SCNN1D: variants seen among roughly 807,000 people sequenced by gnomAD.
SCNN1D encodes epithelial sodium channel subunit delta.
A neutral mutation model predicts 87.8 loss-of-function variants in SCNN1D; 104 were observed. The ratio of observed to expected loss-of-function variants is 1.18; its 90% CI spans 1.01 to 1.39. The LOEUF (loss-of-function observed/expected upper bound fraction) is 1.39. Among genes scored for constraint, SCNN1D ranks in the 40% most tolerant of loss-of-function variants. The pLI is 0.00. For synonymous variants in SCNN1D, 628 were observed against 481.2 expected (o/e 1.31, Z -3.99); for missense variants, 1,324 against 1,093.9 (o/e 1.21, Z -2.97).
Position 1,286,061 on chromosome 1 carries a change from AC to A in SCNN1D, c.696del (p.Ile233SerfsTer128). ...ELLTFFCTNATIHGAIRLVCS... is the reference protein window; with the variant it reads ...ELLTFFCTNAXIHGAIRLVCS... ...GCTCACCTTCTTCTGCACCAATGCC[AC>A]CATCCACGGCGCCATCCGCCTGGTC... On this transcript the variant is annotated frameshift_variant, in exon 7 of 18. Coordinates refer to ENST00000379116, the MANE Select transcript of SCNN1D (RefSeq NM_001130413.4). LOFTEE classifies it high-confidence loss of function. The A allele has an allele frequency of 6.3e-7, 1 of 1,593,498 alleles. No individual in the cohort carries two copies. The highest frequency in any genetic ancestry group is 8.5e-7 in the Non-Finnish European group (1 of 1,170,640).
intron 2 of SCNN1D, 49 bp downstream of exon 2, chr1:1,281,346 G>A: frequency 6.5e-7 from 1 of 1,535,084 alleles, no homozygotes; most frequent in Non-Finnish European, 8.7e-7. Flanking sequence ...GTCTTTCCTG[G>A]GAGAGAGCAG....
At chr1:1,284,522 G>GGT (rs1640545124) in intron 5 of SCNN1D, among the ~76,000 whole-genome samples, 1 of 149,294 alleles carries the variant, frequency 6.7e-6, no homozygotes. Context: ...GGACCACTGG[G>GGT]GGTGCCGAGC....
At chr1:1,284,524 G>GT (rs1640545154) in intron 5 of SCNN1D, among the ~76,000 whole-genome samples, 1 of 149,364 alleles carries the variant, frequency 6.7e-6, no homozygotes, top group Non-Finnish European at 1.5e-5. Flanking sequence ...ACCACTGGGG[G>GT]TGCCGAGCGT....
chr1:1,280,704 T>C (rs1640452493), intron 1 of SCNN1D, 38 bp downstream of exon 1: 1 of 700,440 alleles, frequency 1.4e-6, no homozygotes, highest in Non-Finnish European at 2.6e-6. Context: ...CTGAGCTAGT[T>C]TTTCAGGTTA....
intron 15 of SCNN1D, 56 bp downstream of exon 15, chr1:1,290,750 TCCCACAGAG>T (rs1281195468): frequency 9.4e-6 from 15 of 1,597,522 alleles, no homozygotes; most frequent in African/African-American, 1.3e-5. Context: ...ACCCCACAGG[TCCCACAGAG>T]CCCACCCAAG....
chr1:1,282,564 A>AC (rs61284317), intron 4 of SCNN1D, among the ~76,000 whole-genome samples: 1 of 151,542 alleles, frequency 6.6e-6, no homozygotes, highest in East Asian at 1.9e-4. Flanking sequence ...CCTTCCACAC[A>AC]ACCGCACTGG....
intron 12 of SCNN1D, among the ~76,000 whole-genome samples, chr1:1,290,060 G>A: frequency 8.5e-6 from 1 of 117,050 alleles, no homozygotes; most frequent in Non-Finnish European, 1.7e-5. Context: ...TCCGTCCCGT[G>A]TCTCTGCTCC....
Position 1,287,785 on chromosome 1 carries a change from C to A in SCNN1D, c.1512C>A (p.His504Gln). The change falls in exon 11 of 18, where the codon CAC becomes CAA. Residue 504 changes from histidine (H) to glutamine (Q), a missense_variant. Physicochemically the swap from His to Gln is conservative, Grantham distance 24. Transcript: ENST00000379116. ...GTAACCACACGCCCTTCCTGGGGCACCACAGCTTCAGCGTCCGGCCAGGGA... is the reference window on the plus strand; with the variant it reads ...GTAACCACACGCCCTTCCTGGGGCAACACAGCTTCAGCGTCCGGCCAGGGA... Reference protein sequence around the residue: ...HGRNHTPFLGHHSFSVRPGTE... With the variant: ...HGRNHTPFLGQHSFSVRPGTE... 6.3e-7 allele frequency: 1 copy of A among 1,593,244 alleles called. No individual in the cohort carries two copies. Among genetic ancestry groups the A allele is most frequent in the Non-Finnish European group, 8.5e-7 (1 of 1,170,382 alleles).
At chr1:1,283,276 G>A (rs1423707525) in intron 4 of SCNN1D, among the ~76,000 whole-genome samples, 3 of 152,198 alleles carry the variant, frequency 2.0e-5, no homozygotes, top group Admixed American at 6.5e-5. Context: ...ATGGCTGGGC[G>A]GCTGGTCCCG....
chr1:1,286,638 T>G, intron 7 of SCNN1D, 130 bp from the exon 8 acceptor site: 1 of 881,954 alleles, frequency 1.1e-6, no homozygotes, highest in Non-Finnish European at 1.7e-6. Flanking sequence ...ACTCCAGCTC[T>G]GGGTCCAGCT....
At position 1,291,384 on chromosome 1, in the gene SCNN1D, G is replaced by T. The variant is rs377745829; in HGVS notation, c.2183G>T (p.Arg728Leu). 2.5e-6 allele frequency: 4 copies of T among 1,608,224 alleles called. No individual in the cohort carries two copies. The highest frequency in any genetic ancestry group is 3.4e-6 in the Non-Finnish European group (4 of 1,178,462). ...SALTLVLGGR[R>L]LRRAWFSWPR... ...CTCACCCTGGTGCTAGGCGGCCGCCGGCTCCGCAGGGCGTGGTTCTCCTGG... is the reference window on the plus strand; with the variant it reads ...CTCACCCTGGTGCTAGGCGGCCGCCTGCTCCGCAGGGCGTGGTTCTCCTGG... The change falls in exon 18 of 18, where the codon CGG (arginine) becomes CTG (leucine). Residue 728 changes from arginine to leucine, a missense_variant. By Grantham distance (102) the Arg-to-Leu change is moderately radical (BLOSUM62 -2). Transcript: ENST00000379116.
chr1:1,284,554 G>T (rs1455574886), intron 5 of SCNN1D, among the ~76,000 whole-genome samples: 1 of 148,440 alleles, frequency 6.7e-6, no homozygotes, highest in Non-Finnish European at 1.5e-5. Context: ...CACGGGGGGT[G>T]CACAGCGTGT....
Position 1,289,563 on chromosome 1 carries a change from CCGTGTCCCTGCTCCGT to C in SCNN1D, c.1663-706_1663-691del, listed in dbSNP as rs1640715838. On this transcript the variant is annotated intron_variant, in intron 12 of 17. Coordinates refer to ENST00000379116, the MANE Select transcript of SCNN1D (RefSeq NM_001130413.4). ...CTCCGTCCCGTGTCCCTGCTCCGTCCCGTGTCCCTGCTCCGTCCCGTGTCTCTGCTCCGTCCCGTGT... is the reference window on the plus strand; with the variant it reads ...CTCCGTCCCGTGTCCCTGCTCCGTCCCCCGTGTCTCTGCTCCGTCCCGTGT... Among the ~76,000 whole-genome samples the C allele has an allele frequency of 1.9e-4, 2 of 10,650 alleles. 1 individual carries two copies. Among genetic ancestry groups the C allele is most frequent in the African/African-American group, 3.0e-3 (2 of 656 alleles). The allele number at this position is 10,650 out of a possible 152,430, so 7.0% of individuals were successfully genotyped here.
intron 7 of SCNN1D, 28 bp downstream of exon 7, chr1:1,286,306 G>A (rs1401333752): frequency 6.7e-7 from 1 of 1,500,682 alleles, no homozygotes; most frequent in Non-Finnish European, 9.0e-7. Flanking sequence ...CGGCGGGAGG[G>A]GTGGCCGCCC....
Position 1,287,802 on chromosome 1 carries a change from G to C in SCNN1D, c.1529G>C (p.Arg510Pro). Residue 510 changes from arginine (R) to proline (P), a missense_variant, in exon 11 of 18, where the codon CGG (arginine) becomes CCG (proline). Arg to Pro is a moderately radical substitution (Grantham distance 103). Coordinates refer to ENST00000379116, the MANE Select transcript of SCNN1D (RefSeq NM_001130413.4). ...PFLGHHSFSV[R>P]PGTEATISIR... is the part of the protein sequence containing the mutation. ...CTGGGGCACCACAGCTTCAGCGTCC[G>C]GCCAGGGACGGAGGCCACCATCAGC... 6.3e-7 allele frequency: 1 copy of C among 1,576,080 alleles called. No homozygotes were observed. The highest frequency in any genetic ancestry group is 8.6e-7 in the Non-Finnish European group (1 of 1,160,998).
Position 1,291,837 on chromosome 1 carries a change from C to T in SCNN1D, c.*227C>T, listed in dbSNP as rs912985738. 6 of 443,064 alleles carry T rather than the reference C, an allele frequency of 1.4e-5. No homozygotes were observed. The highest frequency in any genetic ancestry group is 2.0e-5 in the African/African-American group (1 of 49,476). The allele number at this position is 443,064 out of a possible 1,614,324, so 27.4% of individuals were successfully genotyped here. Reference sequence around the variant, plus strand: ...GCGGAGGGGGGTTCCCGCGTGCACACGAGTGCGGCTGGACGTGCCGACACG... The same window carrying T: ...GCGGAGGGGGGTTCCCGCGTGCACATGAGTGCGGCTGGACGTGCCGACACG... On this transcript the variant is annotated 3_prime_UTR_variant, in exon 18 of 18. Coordinates refer to ENST00000379116, the MANE Select transcript of SCNN1D (RefSeq NM_001130413.4).
Position 1,281,609 on chromosome 1 carries a change from A to G in SCNN1D, c.276A>G (p.Thr92=), listed in dbSNP as rs1282955176. The G allele has an allele frequency of 6.5e-7, 1 of 1,535,004 alleles. No homozygotes were observed. Among genetic ancestry groups the G allele is most frequent in the Admixed American group, 2.0e-5 (1 of 50,834 alleles). ...CTGGCCCGATACAGGGGTGTGGGAC[A>G]GGTGACTGAACCTCAGCCCTTAGAG... The part of the protein sequence containing the change: ...LLSGPIQGCG[T]GLGDSSMAFL... Residue 92 remains threonine (T), a splice_region_variant and synonymous_variant, in exon 3 of 18, where the codon ACA becomes ACG. Coordinates refer to ENST00000379116, the MANE Select transcript of SCNN1D (RefSeq NM_001130413.4).
At position 1,290,651 on chromosome 1, in the gene SCNN1D, A is replaced by G. The variant is rs61766185; in HGVS notation, c.1874A>G (p.Lys625Arg). The change falls in exon 15 of 18, where the codon AAG becomes AGG. Residue 625 changes from lysine (K) to arginine (R), a missense_variant. Transcript: ENST00000379116. ...CPRPCRESAFKLSTGTSRWPS... is the reference protein window; with the variant it reads ...CPRPCRESAFRLSTGTSRWPS... ...GTCTCTTCCAGGGAGTCTGCATTCA[A>G]GCTCTCCACTGGGACCTCCAGGTGG... 1.1e-3 allele frequency: 1,801 copies of G among 1,612,606 alleles called. 3 individuals carry two copies. Among genetic ancestry groups the G allele is most frequent in the Non-Finnish European group, 1.4e-3 (1,667 of 1,179,924 alleles).
rs753257927 is a variant in SCNN1D at position 1,291,856 on chromosome 1, C to T, written c.*246C>T. 10 of 423,008 alleles carry T rather than the reference C, an allele frequency of 2.4e-5. No homozygotes were observed. Among genetic ancestry groups the T allele is most frequent in the South Asian group, 6.5e-5 (1 of 15,272 alleles). The allele number at this position is 423,008 out of a possible 1,614,324, so 26.2% of individuals were successfully genotyped here. A position where few individuals can be genotyped will look rare whatever the true frequency, so the allele number is the denominator to read the frequency against. Reference sequence around the variant, plus strand: ...TGCACACGAGTGCGGCTGGACGTGCCGACACGCGGTGATGTACCCATGCTC... The same window carrying T: ...TGCACACGAGTGCGGCTGGACGTGCTGACACGCGGTGATGTACCCATGCTC... On this transcript the variant is annotated 3_prime_UTR_variant, in exon 18 of 18. Coordinates refer to ENST00000379116, the MANE Select transcript of SCNN1D (RefSeq NM_001130413.4).
Sources: gnomAD v4.1 joint callset for allele counts (sites outside exome capture counted in the v4.1 genomes callset) on GRCh38, gnomAD v4.1.1 for gene constraint, MANE v1.5 for transcripts, NCBI Gene and HGNC (gene_info 2026-07-23, HGNC 2026-07-21) for gene names.